EML6: variants seen among roughly 807,000 people sequenced by gnomAD.
EML6 encodes the protein echinoderm microtubule-associated protein-like 6.
In EML6, 154 loss-of-function variants were observed where a neutral mutation model predicts 240.1. That is an observed-to-expected ratio of 0.64 (90% CI 0.56 to 0.73). EML6 has a LOEUF of 0.73. EML6 is among the 30% of genes least tolerant of loss of function. EML6 has a pLI of 0.00. For synonymous variants in EML6, 1,148 were observed against 899.0 expected (o/e 1.28, Z -4.95); for missense variants, 2,964 against 2,474.6 (o/e 1.20, Z -4.20).
In EML6 at chr2:54,859,516, C is replaced by G. The variant is rs925384655; in HGVS notation, c.1658-18C>G. On this transcript the variant is annotated intron_variant, in intron 11 of 41. Transcript: ENST00000356458. The stretch of plus-strand genomic sequence containing the variant: ...CTTCTTTTTTCATAACTAATCCTCT[C>G]AAAAAATATTCTTTCAGGAGCCAAA... The G allele has an allele frequency of 3.2e-6, 5 of 1,545,344 alleles. No homozygotes were observed. The highest frequency in any genetic ancestry group is 4.4e-6 in the Non-Finnish European group (5 of 1,143,524).
chr2:54,951,899 C>T (rs926200795), intron 30 of EML6, among the ~76,000 whole-genome samples: 1 of 152,082 alleles, frequency 6.6e-6, no homozygotes, highest in Non-Finnish European at 1.5e-5. Context: ...CAGTACACAC[C>T]TTCCTTGTGT....
At chr2:54,833,720 A>C (rs1668991741) in intron 7 of EML6, among the ~76,000 whole-genome samples, 1 of 152,212 alleles carries the variant, frequency 6.6e-6, no homozygotes, top group South Asian at 2.1e-4. Flanking sequence ...TGACTTGTGC[A>C]TCTTTTGTGA....
intron 13 of EML6, among the ~76,000 whole-genome samples, chr2:54,864,408 T>G (rs1670854105): frequency 6.6e-6 from 1 of 152,228 alleles, no homozygotes; most frequent in Admixed American, 6.5e-5. Flanking sequence ...AGTCAGAAAT[T>G]ACCTCTAGTA....
chr2:54,903,802 G>C (rs1479677914), intron 24 of EML6, among the ~76,000 whole-genome samples: 1 of 152,190 alleles, frequency 6.6e-6, no homozygotes, highest in Admixed American at 6.5e-5. Context: ...CTCACCTTTA[G>C]TTGGGAGTGC....
rs111232633 is a variant in EML6 at position 54,767,597 on chromosome 2, A to AGTGTGTGTGTGT, written c.197+42362_197+42373dup. 6.3e-3 allele frequency among the ~76,000 whole-genome samples: 921 copies of AGTGTGTGTGTGT among 145,592 alleles called. 3 individuals carry two copies. Among genetic ancestry groups the AGTGTGTGTGTGT allele is most frequent in the African/African-American group, 0.022 (864 of 38,962 alleles). On this transcript the variant is annotated intron_variant, in intron 2 of 41. Transcript: ENST00000356458. ...TATACAGTAATTAAGTGGTATGAAG[A>AGTGTGTGTGTGT]GTGTGTGTGTGTGTGTGTGTGTGTG... is the stretch of plus-strand genomic sequence containing the variant.
intron 2 of EML6, among the ~76,000 whole-genome samples, chr2:54,788,192 C>T (rs544408861): frequency 9.3e-4 from 142 of 152,368 alleles, no homozygotes; most frequent in African/African-American, 3.1e-3. Flanking sequence ...CGCTAGCTGC[C>T]CACTTACTGG....
chr2:54,899,630 C>T lies in EML6; in HGVS notation c.2983-11C>T. The T allele has an allele frequency of 6.4e-7, 1 of 1,551,642 alleles. No individual in the cohort carries two copies. Among genetic ancestry groups the T allele is most frequent in the South Asian group, 1.2e-5 (1 of 83,986 alleles). On this transcript the variant is annotated splice_polypyrimidine_tract_variant and intron_variant, in intron 21 of 41. Transcript: ENST00000356458. ...AGTAGAGTTTATGTTGCCCCTTTTC[C>T]TCTCCCACAGGGGCACATGGAAGGA...
At chr2:54,742,984 C>G (rs915515707) in intron 2 of EML6, among the ~76,000 whole-genome samples, 2 of 152,190 alleles carry the variant, frequency 1.3e-5, no homozygotes, top group Non-Finnish European at 2.9e-5. Context: ...TATTTCTGGC[C>G]ACAGGAAAAT....
In EML6 at chr2:54,960,243, A is replaced by T; in HGVS notation, c.4877A>T (p.Lys1626Ile). 6.4e-7 allele frequency: 1 copy of T among 1,551,574 alleles called. No homozygotes were observed. Among genetic ancestry groups the T allele is most frequent in the Non-Finnish European group, 8.7e-7 (1 of 1,146,922 alleles). ...ERPTKEGGAV[K>I]LWDQEMKRCR... ...AGGACCAAAGAAGGAGGTGCTGTAA[A>T]ATTGTGGGACCAGGAGATGAAGCGC... The change falls in exon 35 of 42, where the codon AAA becomes ATA. Residue 1626 changes from lysine (K) to isoleucine (I), a missense_variant. Physicochemically the swap from Lys to Ile is moderately radical, Grantham distance 102 (BLOSUM62 -3). Transcript: ENST00000356458.
chr2:54,859,474 T>C, intron 11 of EML6, 60 bp from the exon 12 acceptor site: 2 of 1,387,570 alleles, frequency 1.4e-6, no homozygotes, highest in South Asian at 1.3e-5. Context: ...AGGGGGGTTG[T>C]TTTAAACTAA....
chr2:54,961,184 G>GTTGTTTTTTTTTTGTTTTTTTTTTT, intron 35 of EML6, among the ~76,000 whole-genome samples: 3 of 55,424 alleles, frequency 5.4e-5, no homozygotes, highest in Admixed American at 2.7e-4. Context: ...TCAGGAAGTA[G>GTTGTTTTTTTTTTGTTTTTTTTTTT]TTTTTTTTTT....
intron 17 of EML6, among the ~76,000 whole-genome samples, chr2:54,885,402 A>G (rs547677366): frequency 6.6e-6 from 1 of 151,982 alleles, no homozygotes; most frequent in Non-Finnish European, 1.5e-5. Flanking sequence ...AGCCGAGATC[A>G]TGCCACTGCA....
chr2:54,902,811 G>C (rs1673129080), intron 22 of EML6, among the ~76,000 whole-genome samples: 1 of 152,198 alleles, frequency 6.6e-6, no homozygotes, highest in Non-Finnish European at 1.5e-5. Flanking sequence ...CTGGGCTCAA[G>C]AGTTCCACCT....
intron 7 of EML6, 83 bp from the exon 8 acceptor site, chr2:54,843,964 T>TGTGTGTGTGTGTG: frequency 3.0e-6 from 2 of 658,628 alleles, no homozygotes; most frequent in South Asian, 1.7e-5. Flanking sequence ...CTTTAGGGTT[T>TGTGTGTGTGTGTG]TGTGTGTGTG....
intron 16 of EML6, among the ~76,000 whole-genome samples, chr2:54,878,972 T>A (rs1671670630): frequency 6.6e-6 from 1 of 152,260 alleles, no homozygotes; most frequent in Non-Finnish European, 1.5e-5. Flanking sequence ...ACAAGTACAC[T>A]ACATTTGAAA....
chr2:54,750,204 G>C (rs1207359410), intron 2 of EML6, among the ~76,000 whole-genome samples: 2 of 152,200 alleles, frequency 1.3e-5, no homozygotes, highest in East Asian at 3.9e-4. Flanking sequence ...TATGGCCCAG[G>C]AAGAACTCAG....
chr2:54,961,184 G>GTTGTTTTTTTTGTTTTGT, intron 35 of EML6, among the ~76,000 whole-genome samples: 1 of 55,424 alleles, frequency 1.8e-5, no homozygotes, highest in Non-Finnish European at 3.2e-5. Context: ...TCAGGAAGTA[G>GTTGTTTTTTTTGTTTTGT]TTTTTTTTTT....
chr2:54,931,699 C>G lies in EML6; in HGVS notation c.4004+2948C>G, dbSNP rs145435503. Among the ~76,000 whole-genome samples, 136 of 152,222 alleles carry G rather than the reference C, an allele frequency of 8.9e-4. 1 individual carries two copies. Among genetic ancestry groups the G allele is most frequent in the Middle Eastern group, 3.4e-3 (1 of 294 alleles). On this transcript the variant is annotated intron_variant, in intron 28 of 41. Coordinates refer to ENST00000356458, the MANE Select transcript of EML6 (RefSeq NM_001039753.4). ...CTAAACACTTGGTTCAAGACATGCA[C>G]CAATGAGACTAATGGGAGACGAGTA...
chr2:54,954,364 G>A (rs563557201), intron 32 of EML6, among the ~76,000 whole-genome samples: 21 of 152,174 alleles, frequency 1.4e-4, no homozygotes, highest in Non-Finnish European at 2.8e-4. Context: ...GGAGGAGGCT[G>A]GCCAGGGACT....
Sources: gnomAD v4.1 joint callset for allele counts (sites outside exome capture counted in the v4.1 genomes callset) on GRCh38, gnomAD v4.1.1 for gene constraint, MANE v1.5 for transcripts, NCBI Gene and HGNC (gene_info 2026-07-23, HGNC 2026-07-21) for gene names.